The following TG variants were observed in gnomAD, a reference collection of about 807,000 sequenced individuals.
The protein encoded by TG is thyroid hormones.
In TG, 270 loss-of-function variants were observed where a neutral mutation model predicts 324.7. The observed-to-expected ratio is 0.83, with a 90% confidence interval of 0.75 to 0.92. TG has a LOEUF of 0.92. Ranked by LOEUF, TG falls within the 40% of genes least tolerant of loss-of-function variation. The probability of loss-of-function intolerance (pLI) is 0.00; values close to 1 mark genes in which losing one functional copy is unlikely to be tolerated. For missense variants in TG, 3,591 were observed against 3,456.4 expected (o/e 1.04, Z -0.98); for synonymous variants, 1,401 against 1,327.0 (o/e 1.06, Z -1.21).
At chr8:132,993,833 G>A (rs192570537) in intron 35 of TG, among the ~76,000 whole-genome samples, 43 of 152,302 alleles carry the variant, frequency 2.8e-4, no homozygotes, top group African/African-American at 9.6e-4. Context: ...GGAGCCAAGA[G>A]CAAAATATGT....
Position 132,866,997 on chromosome 8 carries a change from GA to G in TG, c.1del. 6.3e-7 allele frequency: 1 copy of G among 1,591,380 alleles called. No individual in the cohort carries two copies. The highest frequency in any genetic ancestry group is 1.1e-5 in the South Asian group (1 of 87,800). ...CCTCCTTCCTCCCAGGAAGGGCCAG[GA>G]AAATGGCCCTGGTCCTGGAGATCTT... is the stretch of plus-strand genomic sequence containing the variant. On this transcript the variant is annotated 5_prime_UTR_variant, in exon 1 of 48. Coordinates refer to ENST00000220616, the MANE Select transcript of TG (RefSeq NM_003235.5).
At chr8:132,980,889 G>T (rs1830753971) in intron 34 of TG, among the ~76,000 whole-genome samples, 1 of 152,024 alleles carries the variant, frequency 6.6e-6, no homozygotes, top group Non-Finnish European at 1.5e-5. Flanking sequence ...ACTGCATGCG[G>T]TAAGAGTAGG....
chr8:132,988,829 A>G (rs1029061799), intron 35 of TG: 1 of 985,294 alleles, frequency 1.0e-6, no homozygotes, highest in Non-Finnish European at 1.2e-6. Flanking sequence ...GGATCTCCTA[A>G]GGGTTTATTC....
At chr8:133,077,579 G>A (rs995306528) in intron 41 of TG, among the ~76,000 whole-genome samples, 17 of 152,200 alleles carry the variant, frequency 1.1e-4, no homozygotes, top group African/African-American at 4.1e-4. Context: ...TGGAATGGAG[G>A]TTTTGGCCCT....
At chr8:132,955,275 C>T (rs1470055614) in intron 27 of TG, among the ~76,000 whole-genome samples, 3 of 152,146 alleles carry the variant, frequency 2.0e-5, no homozygotes, top group African/African-American at 4.8e-5. Context: ...GCAAACAGGC[C>T]CAGAAACTGT....
At chr8:132,916,654 C>T (rs1820325266) in intron 20 of TG, among the ~76,000 whole-genome samples, 1 of 152,138 alleles carries the variant, frequency 6.6e-6, no homozygotes, top group South Asian at 2.1e-4. Flanking sequence ...CAGCCTTGAT[C>T]CAGGGAATTG....
chr8:133,083,854 C>T (rs1846102262), intron 41 of TG, among the ~76,000 whole-genome samples: 2 of 152,160 alleles, frequency 1.3e-5, no homozygotes, highest in Non-Finnish European at 2.9e-5. Flanking sequence ...AGTGAAGCCA[C>T]CTCCTCCTCA....
At chr8:133,006,625 C>T (rs1020352908) in intron 35 of TG, among the ~76,000 whole-genome samples, 3 of 152,158 alleles carry the variant, frequency 2.0e-5, no homozygotes, top group Non-Finnish European at 2.9e-5. Flanking sequence ...TAGTTAATAC[C>T]GCAGGTTTCC....
rs56028043 is a variant in TG at position 133,087,071 on chromosome 8, T to TACAC, written c.7240-7924_7240-7921dup. 2.2e-3 allele frequency among the ~76,000 whole-genome samples: 311 copies of TACAC among 143,132 alleles called. 1 individual carries two copies. The highest frequency in any genetic ancestry group is 0.013 in the East Asian group (63 of 4,844). The allele number at this position is 143,132 out of a possible 152,430, so 93.9% of individuals were successfully genotyped here. On this transcript the variant is annotated intron_variant, in intron 41 of 47. Coordinates refer to ENST00000220616, the MANE Select transcript of TG (RefSeq NM_003235.5). ...TGTATAGATTTCCTGAATATATGTT[T>TACAC]ACACACACACACACACACACACACA...
intron 27 of TG, among the ~76,000 whole-genome samples, 185 bp downstream of exon 27, chr8:132,949,128 G>A (rs1309567789): frequency 6.6e-6 from 1 of 152,164 alleles, no homozygotes; most frequent in Admixed American, 6.5e-5. Context: ...TCTATGGGAA[G>A]CATCCATTTA....
chr8:133,128,540 T>A (rs974092930), intron 45 of TG, among the ~76,000 whole-genome samples: 1 of 152,130 alleles, frequency 6.6e-6, no homozygotes, highest in Admixed American at 6.5e-5. Flanking sequence ...ATATACCATA[T>A]GGGAGGCTGA....
intron 20 of TG, among the ~76,000 whole-genome samples, chr8:132,914,369 C>T (rs1819988229): frequency 1.3e-5 from 2 of 152,082 alleles, no homozygotes; most frequent in Non-Finnish European, 2.9e-5. Context: ...TTATTTTTTT[C>T]AATTATTTAT....
rs151191707 is a variant in TG, at chr8:133,025,664, A to C, written c.7036+3514A>C. On this transcript the variant is annotated intron_variant, in intron 40 of 47. Coordinates refer to ENST00000220616, the MANE Select transcript of TG (RefSeq NM_003235.5). ...GTGGGTTGCCTGATGTCCTGGACCCACCGTTACAAGGTCCAACAGGATCAT... is the reference window on the plus strand; with the variant it reads ...GTGGGTTGCCTGATGTCCTGGACCCCCCGTTACAAGGTCCAACAGGATCAT... 2.1e-4 allele frequency among the ~76,000 whole-genome samples: 32 copies of C among 152,226 alleles called. No homozygotes were observed. The East Asian group carries it at 5.8e-3, about 28-fold the overall frequency.
chr8:132,954,681 G>A (rs1021836139), intron 27 of TG, among the ~76,000 whole-genome samples: 1 of 152,264 alleles, frequency 6.6e-6, no homozygotes, highest in East Asian at 1.9e-4. Context: ...AGAGCCCTGG[G>A]CATAGAACAG....
At chr8:132,956,359 C>T (rs1826862834) in intron 27 of TG, among the ~76,000 whole-genome samples, 1 of 152,104 alleles carries the variant, frequency 6.6e-6, no homozygotes. Context: ...AAAGAGGGGA[C>T]TTACAGTGTA....
chr8:133,106,324 C>T (rs992339719), intron 43 of TG: 13 of 832,168 alleles, frequency 1.6e-5, no homozygotes, highest in South Asian at 5.5e-5. Flanking sequence ...AGGGGCCAGT[C>T]GGCTCCTTAC....
intron 4 of TG, among the ~76,000 whole-genome samples, chr8:132,872,275 G>T (rs1447234265): frequency 6.6e-6 from 1 of 151,486 alleles, no homozygotes; most frequent in Admixed American, 6.6e-5. Context: ...TCAGGAGATC[G>T]AGACCATCCC....
chr8:132,927,320 G>C (rs955781682), intron 22 of TG, among the ~76,000 whole-genome samples: 3 of 150,612 alleles, frequency 2.0e-5, no homozygotes, highest in Middle Eastern at 3.4e-3. Context: ...TAGTCTCTCT[G>C]TTACTATCCT....
intron 26 of TG, among the ~76,000 whole-genome samples, chr8:132,947,065 G>A (rs149495255): frequency 9.8e-4 from 149 of 152,224 alleles, no homozygotes; most frequent in African/African-American, 3.5e-3. Context: ...CTGCCCTCAC[G>A]TTCCACAGCC....
Sources: allele counts gnomAD v4.1 joint callset (sites outside exome capture counted in the v4.1 genomes callset), GRCh38; gene constraint gnomAD v4.1.1; transcripts MANE v1.5; gene names NCBI Gene and HGNC (gene_info 2026-07-23, HGNC 2026-07-21).